The following DHRS4L2 variants were observed in gnomAD, a reference collection of about 807,000 sequenced individuals.
DHRS4L2 encodes dehydrogenase/reductase 4 like 2.
Under a neutral mutation model 23.9 loss-of-function variants are expected in DHRS4L2, and 22 were observed. The ratio of observed to expected loss-of-function variants is 0.92; its 90% CI spans 0.66 to 1.31. The LOEUF (loss-of-function observed/expected upper bound fraction) is 1.31, where lower values mean the gene tolerates loss of function less well. Ranked by LOEUF, DHRS4L2 falls within the 40% of genes most tolerant of loss-of-function variation. The probability of loss-of-function intolerance (pLI) is 0.00; values close to 1 mark genes in which losing one functional copy is unlikely to be tolerated. For missense variants in DHRS4L2, 385 were observed against 303.3 expected (o/e 1.27, Z -2.00); for synonymous variants, 141 against 123.7 (o/e 1.14, Z -0.93).
intron 1 of DHRS4L2, chr14:23,970,367 G>A (rs1189433439): frequency 7.4e-6 from 3 of 406,222 alleles, no homozygotes; most frequent in Non-Finnish European, 1.5e-5. Flanking sequence ...GCGGGGGGCC[G>A]AAACTGCATC....
Position 23,981,076 on chromosome 14 carries a change from A to G in DHRS4L2, c.-175-9106A>G, listed in dbSNP as rs187990707. Among the ~76,000 whole-genome samples, 184 of 151,920 alleles carry G rather than the reference A, an allele frequency of 1.2e-3. 1 individual carries two copies. The highest frequency in any genetic ancestry group is 3.6e-3 in the African/African-American group (149 of 41,486). ...GAAAACGCCATCATCTCAGCTCAAA[A>G]TCTCCTTAAGCTGATAAGCAACTTC... On this transcript the variant is annotated intron_variant, in intron 1 of 5. Coordinates refer to the DHRS4L2 transcript ENST00000534993.
At chr14:23,980,960 A>C (rs1390504393) in intron 1 of DHRS4L2, among the ~76,000 whole-genome samples, 6 of 151,706 alleles carry the variant, frequency 4.0e-5, no homozygotes, top group Non-Finnish European at 8.8e-5. Flanking sequence ...TAGCCAGGGC[A>C]CTCAGGCAAG....
intron 1 of DHRS4L2, among the ~76,000 whole-genome samples, chr14:23,979,085 T>C (rs1004922186): frequency 1.4e-5 from 2 of 142,472 alleles, no homozygotes; most frequent in Admixed American, 7.0e-5. Flanking sequence ...AGGCTCAAAA[T>C]AAAGGGATGG....
In DHRS4L2 at chr14:24,006,050, T is replaced by A. The variant is rs71405832; in HGVS notation, c.*187T>A. 15,689 of 1,598,392 alleles carry A rather than the reference T, an allele frequency of 9.8e-3. 214 individuals are homozygous for A. The highest frequency in any genetic ancestry group is 0.012 in the Non-Finnish European group (13,905 of 1,173,250). ...AGAGTTGGGCTCTAGCTCCTGGTGC[T>A]GTTCCTGCATTCACCCACTGGCCTT... On this transcript the variant is annotated 3_prime_UTR_variant, in exon 8 of 8. Coordinates refer to ENST00000335125, the MANE Select transcript of DHRS4L2 (RefSeq NM_198083.4).
intron 3 of DHRS4L2, among the ~76,000 whole-genome samples, chr14:23,999,308 C>T (rs1312235217): frequency 1.6e-5 from 2 of 125,682 alleles, no homozygotes; most frequent in South Asian, 5.0e-4. Flanking sequence ...AAAAATGGCT[C>T]GAATTAATGC....
chr14:24,001,274 T>A, intron 5 of DHRS4L2, 110 bp from the exon 6 acceptor site: 3 of 1,563,472 alleles, frequency 1.9e-6, no homozygotes, highest in Non-Finnish European at 2.6e-6. Flanking sequence ...TTCCTAACTC[T>A]GCCCCTCCCT....
intron 3 of DHRS4L2, among the ~76,000 whole-genome samples, chr14:23,995,447 T>C (rs1431784198): frequency 6.6e-6 from 1 of 151,800 alleles, no homozygotes; most frequent in Admixed American, 6.6e-5. Context: ...GCAGCTAATA[T>C]GCCAACAACT....
In DHRS4L2 at chr14:23,990,262, A is replaced by C. The variant is rs371611892; in HGVS notation, c.209A>C (p.Asp70Ala). 5 of 1,612,602 alleles carry C rather than the reference A, an allele frequency of 3.1e-6. No homozygotes were observed. The African/African-American group carries it at 6.7e-5, about 22-fold the overall frequency. ...AGCAGCCGGAAGCAGCAGAATGTGG[A>C]CCAGGCGGTGGCCACGCTGCAGGGG... ...VVSSRKQQNV[D>A]QAVATLQGEG... The change falls in exon 2 of 8, where the codon GAC (aspartate) becomes GCC (alanine). Residue 70 changes from aspartate to alanine, a missense_variant. Transcript: ENST00000335125.
chr14:23,991,750 T>C (rs1407486665), intron 2 of DHRS4L2, among the ~76,000 whole-genome samples: 3 of 150,746 alleles, frequency 2.0e-5, no homozygotes, highest in Non-Finnish European at 3.0e-5. Context: ...TTTTTTTTTT[T>C]TTTGAGACAG....
At chr14:23,982,680 C>T (rs1283922514) in intron 1 of DHRS4L2, among the ~76,000 whole-genome samples, 1 of 151,124 alleles carries the variant, frequency 6.6e-6, no homozygotes. Flanking sequence ...TTTTGACAAA[C>T]CTGACAAAAA....
At position 23,992,873 on chromosome 14, in the gene DHRS4L2, T is replaced by A. The variant is rs545828484; in HGVS notation, c.307-2159T>A. Among the ~76,000 whole-genome samples the A allele has an allele frequency of 1.3e-4, 19 of 145,880 alleles. No individual in the cohort carries two copies. The East Asian group carries it at 3.8e-3, about 29-fold the overall frequency. On this transcript the variant is annotated intron_variant, in intron 2 of 7. Coordinates refer to ENST00000335125, the MANE Select transcript of DHRS4L2 (RefSeq NM_198083.4). Reference sequence around the variant, plus strand: ...TTCATTTTTTAAATTTTTTGTAGAGTTGGGGCTGTATTTCCCAGGCTGTTT... The same window carrying A: ...TTCATTTTTTAAATTTTTTGTAGAGATGGGGCTGTATTTCCCAGGCTGTTT...
rs1027656755 is a variant in DHRS4L2 at position 23,992,207 on chromosome 14, C to A, written c.306+1848C>A. Among the ~76,000 whole-genome samples, 2 of 151,444 alleles carry A rather than the reference C, an allele frequency of 1.3e-5. 1 individual carries two copies. Among genetic ancestry groups the A allele is most frequent in the Non-Finnish European group, 2.9e-5 (2 of 67,838 alleles). On this transcript the variant is annotated intron_variant, in intron 2 of 7. Transcript: ENST00000335125. ...TAGGAAGGATATACAGAGGAGACAC[C>A]GAATCCAGGGCATCAGTGAGGAAGC...
chr14:23,973,060 C>T (rs2033894978), intron 1 of DHRS4L2, among the ~76,000 whole-genome samples: 1 of 151,864 alleles, frequency 6.6e-6, no homozygotes, highest in Non-Finnish European at 1.5e-5. Flanking sequence ...ACATTTAGTT[C>T]CCATGGGCAG....
intron 2 of DHRS4L2, among the ~76,000 whole-genome samples, chr14:23,993,257 A>C (rs1350834467): frequency 6.6e-6 from 1 of 151,722 alleles, no homozygotes; most frequent in Admixed American, 6.6e-5. Context: ...GCTTTGTGCC[A>C]GGATGCCAAA....
upstream of DHRS4L2, chr14:23,987,375 C>G (rs905145606): frequency 5.1e-6 from 1 of 197,536 alleles, no homozygotes; most frequent in African/African-American, 2.4e-5. Context: ...GTGATCCGCC[C>G]GCCTCGGCCT....
At position 23,990,346 on chromosome 14, in the gene DHRS4L2, G is replaced by T. The variant is rs747619043; in HGVS notation, c.293G>T (p.Arg98Leu). Residue 98 changes from arginine (R) to leucine (L), a missense_variant, in exon 2 of 8, where the codon CGG becomes CTG. By Grantham distance (102) the Arg-to-Leu change is moderately radical. Transcript: ENST00000335125. ...GTGGGGAAGGCGGAGGACCGGGAGC[G>T]GCTGGTGGCCATGGTGAGCTGCAGG... is the stretch of plus-strand genomic sequence containing the variant. ...CHVGKAEDRE[R>L]LVAMAVKLHG... is the part of the protein sequence containing the mutation. 14 of 1,610,772 alleles carry T rather than the reference G, an allele frequency of 8.7e-6. 1 individual carries two copies. The highest frequency in any genetic ancestry group is 1.7e-4 in the Middle Eastern group (1 of 5,868).
At chr14:23,994,034 T>C (rs1367812459) in intron 2 of DHRS4L2, among the ~76,000 whole-genome samples, 1 of 151,674 alleles carries the variant, frequency 6.6e-6, no homozygotes, top group Non-Finnish European at 1.5e-5. Context: ...TACTGAAGTA[T>C]AAGATCTTGA....
chr14:23,996,481 A>AC (rs1423609344), intron 3 of DHRS4L2, among the ~76,000 whole-genome samples: 1 of 150,776 alleles, frequency 6.6e-6, no homozygotes, highest in East Asian at 1.9e-4. Flanking sequence ...ATTAAAAACA[A>AC]CAACAACAAC....
At chr14:23,973,010 T>G (rs1224251399) in intron 1 of DHRS4L2, among the ~76,000 whole-genome samples, 2 of 151,832 alleles carry the variant, frequency 1.3e-5, no homozygotes, top group Admixed American at 6.6e-5. Flanking sequence ...TTTCTCTCAT[T>G]TCAGAATTGA....
Sources: gnomAD v4.1 joint callset for allele counts (sites outside exome capture counted in the v4.1 genomes callset) on GRCh38, gnomAD v4.1.1 for gene constraint, MANE v1.5 for transcripts, NCBI Gene and HGNC (gene_info 2026-07-23, HGNC 2026-07-21) for gene names.